Variants in NXPH4 observed in about 807,000 individuals in gnomAD.
The protein encoded by NXPH4 is neurexophilin 4.
A neutral mutation model predicts 21.3 loss-of-function variants in NXPH4; 8 were observed. That is an observed-to-expected ratio of 0.38 (90% CI 0.22 to 0.68). The LOEUF (loss-of-function observed/expected upper bound fraction) is 0.68. NXPH4 is among the 30% of genes least tolerant of loss of function. The pLI, the probability that NXPH4 is intolerant of heterozygous loss-of-function variation, is 0.53. For synonymous variants in NXPH4, 219 were observed against 192.6 expected (o/e 1.14, Z -1.13); for missense variants, 418 against 416.8 (o/e 1.00, Z -0.03).
Position 57,225,619 on chromosome 12 carries a change from G to T in NXPH4, c.799G>T (p.Ala267Ser). The change falls in exon 2 of 2, where the codon GCC becomes TCC. Residue 267 changes from alanine (A) to serine (S), a missense_variant. Coordinates refer to ENST00000349394, the MANE Select transcript of NXPH4 (RefSeq NM_007224.4). Reference protein sequence around the residue: ...CFTEHTQSQAAWLCAKPFKVI... With the variant: ...CFTEHTQSQASWLCAKPFKVI... ...CACCGAGCACACGCAGAGCCAGGCC[G>T]CCTGGCTCTGTGCCAAGCCCTTCAA... 5 of 1,613,592 alleles carry T rather than the reference G, an allele frequency of 3.1e-6. No homozygotes were observed. Among genetic ancestry groups the T allele is most frequent in the Non-Finnish European group, 3.4e-6 (4 of 1,180,000 alleles).
chr12:57,222,668 G>T (rs1250640599), intron 1 of NXPH4, among the ~76,000 whole-genome samples: 1 of 152,032 alleles, frequency 6.6e-6, no homozygotes, highest in Non-Finnish European at 1.5e-5. Flanking sequence ...CCCTCTCCAA[G>T]CCCACTTCTG....
chr12:57,225,976 G>C lies in NXPH4; in HGVS notation c.*229G>C, dbSNP rs2037144386. On this transcript the variant is annotated 3_prime_UTR_variant, in exon 2 of 2. Transcript: ENST00000349394. ...CTCCAGTACACCCCAAAGTGAAAGG[G>C]ATAAGAGTGCAGCCCCAGAATAGGC... The C allele has an allele frequency of 1.4e-6, 2 of 1,401,610 alleles. No homozygotes were observed. The highest frequency in any genetic ancestry group is 1.9e-6 in the Non-Finnish European group (2 of 1,073,086). The allele number at this position is 1,401,610 out of a possible 1,614,324, so 86.8% of individuals were successfully genotyped here. A position where few individuals can be genotyped will look rare whatever the true frequency, so the allele number is the denominator to read the frequency against.
At position 57,225,770 on chromosome 12, in the gene NXPH4, AGCCTCCC is replaced by A; in HGVS notation, c.*27_*33del. The A allele has an allele frequency of 6.3e-7, 1 of 1,594,664 alleles. No individual in the cohort carries two copies. Among genetic ancestry groups the A allele is most frequent in the Non-Finnish European group, 8.6e-7 (1 of 1,167,398 alleles). On this transcript the variant is annotated 3_prime_UTR_variant, in exon 2 of 2. Coordinates refer to ENST00000349394, the MANE Select transcript of NXPH4 (RefSeq NM_007224.4). ...TAGCGCCCCTCCCCAGCCAGTCCTG[AGCCTCCC>A]GCCAAATCCCAGCCTCACTAGGTGG...
In NXPH4 at chr12:57,225,751, C is replaced by T; in HGVS notation, c.*4C>T. The T allele has an allele frequency of 3.1e-6, 5 of 1,605,648 alleles. No homozygotes were observed. The highest frequency in any genetic ancestry group is 1.1e-5 in the South Asian group (1 of 90,672). On this transcript the variant is annotated 3_prime_UTR_variant, in exon 2 of 2. Transcript: ENST00000349394. ...TGAGCACCCCTACTTCGGATAGCGC[C>T]CCTCCCCAGCCAGTCCTGAGCCTCC...
At chr12:57,219,117 G>A (rs2136766714) in intron 1 of NXPH4, among the ~76,000 whole-genome samples, 1 of 152,258 alleles carries the variant, frequency 6.6e-6, no homozygotes, top group Middle Eastern at 3.4e-3. Context: ...CAAAAGGTGA[G>A]GCTGATCCTG....
chr12:57,225,104 C>A lies in NXPH4; in HGVS notation c.284C>A (p.Pro95Gln). The A allele has an allele frequency of 3.3e-6, 5 of 1,505,038 alleles. No homozygotes were observed. Among genetic ancestry groups the A allele is most frequent in the South Asian group, 2.6e-5 (2 of 78,100 alleles). The allele number at this position is 1,505,038 out of a possible 1,614,324, so 93.2% of individuals were successfully genotyped here. The change falls in exon 2 of 2, where the codon CCG becomes CAG. Residue 95 changes from proline (P) to glutamine (Q), a missense_variant. Coordinates refer to ENST00000349394, the MANE Select transcript of NXPH4 (RefSeq NM_007224.4). ...ALPAQRTKRK[P>Q]SIKAARAKKI... The stretch of plus-strand genomic sequence containing the variant: ...CCCGCGCAGCGCACCAAGAGGAAGC[C>A]GTCCATCAAGGCGGCGCGCGCCAAA...
At position 57,225,047 on chromosome 12, in the gene NXPH4, C is replaced by A; in HGVS notation, c.227C>A (p.Ala76Glu). The A allele has an allele frequency of 6.8e-7, 1 of 1,479,046 alleles. No individual in the cohort carries two copies. 91.6% of individuals were successfully genotyped at this position (1,479,046 alleles called of 1,614,324 possible). A position where few individuals can be genotyped will look rare whatever the true frequency, so the allele number is the denominator to read the frequency against. ...SWAWPTNHTG[A>E]LARAGAAGAL... ...GCCTGGCCGACCAACCACACGGGGGCGCTGGCCCGGGCAGGGGCAGCCGGG... is the reference window on the plus strand; with the variant it reads ...GCCTGGCCGACCAACCACACGGGGGAGCTGGCCCGGGCAGGGGCAGCCGGG... Residue 76 changes from alanine to glutamate, a missense_variant, in exon 2 of 2, where the codon GCG becomes GAG. Coordinates refer to ENST00000349394, the MANE Select transcript of NXPH4 (RefSeq NM_007224.4).
At position 57,225,449 on chromosome 12, in the gene NXPH4, G is replaced by A; in HGVS notation, c.629G>A (p.Gly210Asp). ...AGPGLGGSLG[G>D]ALAGPLGGAL... is the part of the protein sequence containing the mutation. ...CCCGGGCTTGGGGGCTCCCTCGGGGGCGCACTGGCGGGGCCGCTTGGGGGC... is the reference window on the plus strand; with the variant it reads ...CCCGGGCTTGGGGGCTCCCTCGGGGACGCACTGGCGGGGCCGCTTGGGGGC... The change falls in exon 2 of 2, where the codon GGC becomes GAC. Residue 210 changes from glycine to aspartate, a missense_variant. Gly to Asp is a moderately conservative substitution (Grantham distance 94). Transcript: ENST00000349394. 6.2e-7 allele frequency: 1 copy of A among 1,603,412 alleles called. No homozygotes were observed. The highest frequency in any genetic ancestry group is 8.5e-7 in the Non-Finnish European group (1 of 1,177,036).
Position 57,224,849 on chromosome 12 carries a change from G to T in NXPH4, c.58-29G>T, listed in dbSNP as rs373979228. 9 of 672,408 alleles carry T rather than the reference G, an allele frequency of 1.3e-5. No individual in the cohort carries two copies. In the African/African-American group the frequency reaches 1.7e-4, roughly 13 times the overall value. The allele number at this position is 672,408 out of a possible 1,614,324, so 41.7% of individuals were successfully genotyped here. ...CAGGATGGCGGGGGACAACCCCAGC[G>T]TCTCTCTCTCCTCTTTCTTCGTGCA... On this transcript the variant is annotated intron_variant, in intron 1 of 1. Coordinates refer to ENST00000349394, the MANE Select transcript of NXPH4 (RefSeq NM_007224.4).
At chr12:57,220,701 C>T (rs7489231) in intron 1 of NXPH4, among the ~76,000 whole-genome samples, 78,449 of 151,904 alleles carry the variant, frequency 0.52, 23,322 homozygotes, top group South Asian at 0.71. Context: ...TTTGCCTTGC[C>T]CTCTGGCTCC....
chr12:57,221,616 A>G, intron 1 of NXPH4: 3 of 314,226 alleles, frequency 9.5e-6, no homozygotes, highest in South Asian at 7.5e-5. Context: ...ATGGGCCTGA[A>G]GGAGCCTGCT....
Position 57,224,715 on chromosome 12 carries a change from A to C in NXPH4, c.58-163A>C, listed in dbSNP as rs75931125. On this transcript the variant is annotated intron_variant, in intron 1 of 1. Transcript: ENST00000349394. ...CTGGGCCAAGACTACATAGCTTGAA[A>C]GGGCTGCAGTTCTCCTCCAAGGCAC... Among the ~76,000 whole-genome samples, 1,457 of 152,370 alleles carry C rather than the reference A, an allele frequency of 9.6e-3. 20 individuals carry two copies. The highest frequency in any genetic ancestry group is 0.033 in the African/African-American group (1,370 of 41,586).
chr12:57,224,069 T>C (rs1235065592), intron 1 of NXPH4, among the ~76,000 whole-genome samples: 1 of 152,200 alleles, frequency 6.6e-6, no homozygotes, highest in Non-Finnish European at 1.5e-5. Flanking sequence ...GGGGCTCTGG[T>C]CTCTGAGGTC....
At chr12:57,221,987 G>C (rs1188299273) in intron 1 of NXPH4, among the ~76,000 whole-genome samples, 1 of 152,238 alleles carries the variant, frequency 6.6e-6, no homozygotes, top group Non-Finnish European at 1.5e-5. Flanking sequence ...AGAGACAAAA[G>C]AGACTGAGAG....
At position 57,225,745 on chromosome 12, in the gene NXPH4, T is replaced by C; in HGVS notation, c.925T>C (p.Ter309GlnextTer17). 1 of 1,608,078 alleles carries C rather than the reference T, an allele frequency of 6.2e-7. No homozygotes were observed. The highest frequency in any genetic ancestry group is 8.5e-7 in the Non-Finnish European group (1 of 1,176,028). ...CCAGAGTGAGCACCCCTACTTCGGA[T>C]AGCGCCCCTCCCCAGCCAGTCCTGA... ...NFQSEHPYFG[*>Q] The change falls in exon 2 of 2, where the codon TAG (stop) becomes CAG (glutamine). Residue 309 changes from the stop codon to glutamine (Q), a stop_lost. Coordinates refer to ENST00000349394, the MANE Select transcript of NXPH4 (RefSeq NM_007224.4).
intron 1 of NXPH4, among the ~76,000 whole-genome samples, chr12:57,222,946 G>A: frequency 6.6e-6 from 1 of 152,150 alleles, no homozygotes; most frequent in Admixed American, 6.5e-5. Context: ...GGAGATTCTA[G>A]CCCAGCAGCT....
chr12:57,226,261 A>C lies in NXPH4; in HGVS notation c.*514A>C. 2.7e-5 allele frequency: 8 copies of C among 295,518 alleles called. No individual in the cohort carries two copies. The highest frequency in any genetic ancestry group is 5.4e-5 in the East Asian group (1 of 18,476). 18.3% of individuals were successfully genotyped at this position (295,518 alleles called of 1,614,324 possible). A position where few individuals can be genotyped will look rare whatever the true frequency, so the allele number is the denominator to read the frequency against. On this transcript the variant is annotated 3_prime_UTR_variant, in exon 2 of 2. Transcript: ENST00000349394. ...CCTGTCCCCTTTTCCTCCAAACCCT[A>C]TTAGGGTACCGGAAGCAGAACCCCT... is the stretch of plus-strand genomic sequence containing the variant.
chr12:57,225,769 G>C lies in NXPH4; in HGVS notation c.*22G>C. Reference sequence around the variant, plus strand: ...ATAGCGCCCCTCCCCAGCCAGTCCTGAGCCTCCCGCCAAATCCCAGCCTCA... The same window carrying C: ...ATAGCGCCCCTCCCCAGCCAGTCCTCAGCCTCCCGCCAAATCCCAGCCTCA... On this transcript the variant is annotated 3_prime_UTR_variant, in exon 2 of 2. Transcript: ENST00000349394. The C allele has an allele frequency of 3.1e-6, 5 of 1,595,244 alleles. No individual in the cohort carries two copies. Among genetic ancestry groups the C allele is most frequent in the Non-Finnish European group, 4.3e-6 (5 of 1,167,676 alleles).
chr12:57,220,117 G>A (rs2037076212), intron 1 of NXPH4: 1 of 152,850 alleles, frequency 6.5e-6, no homozygotes, highest in Non-Finnish European at 1.5e-5. Context: ...CATAGGAGAG[G>A]GTCCCAGGGC....
Sources: gnomAD v4.1 joint callset for allele counts (sites outside exome capture counted in the v4.1 genomes callset) on GRCh38, gnomAD v4.1.1 for gene constraint, MANE v1.5 for transcripts, NCBI Gene and HGNC (gene_info 2026-07-23, HGNC 2026-07-21) for gene names.